Variants in CC2D2B observed in about 807,000 individuals in gnomAD.
CC2D2B encodes coiled-coil and C2 domain containing 2B.
Under a neutral mutation model 161.2 loss-of-function variants are expected in CC2D2B, and 128 were observed. The observed-to-expected ratio is 0.79, with a 90% CI of 0.69 to 0.92. The LOEUF (loss-of-function observed/expected upper bound fraction) is 0.92. Ranked by LOEUF, CC2D2B falls within the 40% of genes least tolerant of loss-of-function variation. The pLI, the probability that CC2D2B is intolerant of heterozygous loss-of-function variation, is 0.00. For missense variants in CC2D2B, 1,173 were observed against 1,375.1 expected (o/e 0.85, Z 2.32); for synonymous variants, 391 against 449.8 (o/e 0.87, Z 1.65).
At chr10:96,006,466 T>C (rs2078754127) in intron 25 of CC2D2B, among the ~76,000 whole-genome samples, 1 of 151,980 alleles carries the variant, frequency 6.6e-6, no homozygotes, top group South Asian at 2.1e-4. Flanking sequence ...AAGGCTTTTG[T>C]GTAAACTTTT....
intron 15 of CC2D2B, among the ~76,000 whole-genome samples, chr10:95,970,376 TCAGC>T (rs1470578741): frequency 6.6e-6 from 1 of 152,174 alleles, no homozygotes; most frequent in Non-Finnish European, 1.5e-5. Flanking sequence ...ATTCATCACT[TCAGC>T]CAAACTGAGC....
At position 95,919,759 on chromosome 10, in the gene CC2D2B, T is replaced by A. The variant is rs914900197; in HGVS notation, c.37-2257T>A. On this transcript the variant is annotated intron_variant, in intron 2 of 34. Transcript: ENST00000646931. ...TTCCTTCCAGTGAAGCAGGTTCCCT[T>A]CTGGCCCAGGGTGGGTTTAGAAATG... 2.0e-5 allele frequency: 3 copies of A among 152,180 alleles called. 1 individual carries two copies. The South Asian group carries it at 6.2e-4, about 32-fold the overall frequency. The allele number at this position is 152,180 out of a possible 1,614,324, so 9.4% of individuals were successfully genotyped here.
At chr10:95,988,083 G>A (rs560565671) in intron 19 of CC2D2B, among the ~76,000 whole-genome samples, 167 bp from the exon 20 acceptor site, 1 of 152,324 alleles carries the variant, frequency 6.6e-6, no homozygotes, top group African/African-American at 2.4e-5. Context: ...CTGGTTTTTA[G>A]CCTATCCTCA....
intron 10 of CC2D2B, among the ~76,000 whole-genome samples, chr10:95,952,907 T>A (rs1276552181): frequency 3.3e-5 from 5 of 152,102 alleles, no homozygotes; most frequent in Non-Finnish European, 7.4e-5. Context: ...AGTTGCCTGG[T>A]CAAAGGTAAG....
chr10:95,976,779 G>A (rs1275760806), intron 17 of CC2D2B, among the ~76,000 whole-genome samples: 8 of 152,162 alleles, frequency 5.3e-5, no homozygotes, highest in Non-Finnish European at 1.2e-4. Flanking sequence ...ACAGAGCTTC[G>A]CTCTTGTTGC....
intron 32 of CC2D2B, among the ~76,000 whole-genome samples, chr10:96,024,396 C>T (rs965805333): frequency 1.3e-5 from 2 of 152,198 alleles, no homozygotes; most frequent in Non-Finnish European, 2.9e-5. Flanking sequence ...GTTGAGCATT[C>T]CATATGTGCC....
At chr10:95,980,552 CATGATGGT>C (rs2077477779) in intron 17 of CC2D2B, among the ~76,000 whole-genome samples, 1 of 152,102 alleles carries the variant, frequency 6.6e-6, no homozygotes, top group Non-Finnish European at 1.5e-5. Context: ...AAATTTATTA[CATGATGGT>C]GTAAAGGGTG....
At chr10:95,918,170 T>C (rs2098520158) in intron 2 of CC2D2B, among the ~76,000 whole-genome samples, 1 of 152,234 alleles carries the variant, frequency 6.6e-6, no homozygotes, top group African/African-American at 2.4e-5. Context: ...TATGGTGTTA[T>C]AATATTCTGT....
intron 3 of CC2D2B, among the ~76,000 whole-genome samples, chr10:95,922,909 C>T (rs556530383): frequency 3.3e-5 from 5 of 151,838 alleles, no homozygotes; most frequent in African/African-American, 1.2e-4. Context: ...AAGCGGTGGT[C>T]CCACCTCAGC....
intron 34 of CC2D2B, among the ~76,000 whole-genome samples, chr10:96,030,148 G>C (rs1332997818): frequency 6.6e-6 from 1 of 151,918 alleles, no homozygotes; most frequent in Admixed American, 6.6e-5. Flanking sequence ...TTTTCAATTT[G>C]TGGTTGGTTG....
In CC2D2B at chr10:96,027,283, G is replaced by A; in HGVS notation, c.4019G>A (p.Cys1340Tyr). ...PKHPTHWNRQ[C>Y]TFILRQILPK... ...CACCCAACACATTGGAATCGACAGT[G>A]TACTTTTATTTTGCGACAAATCCTT... is the stretch of plus-strand genomic sequence containing the variant. The change falls in exon 34 of 35, where the codon TGT (cysteine) becomes TAT (tyrosine). Residue 1340 changes from cysteine to tyrosine, a missense_variant. Cys to Tyr is a radical substitution (Grantham distance 194). Transcript: ENST00000646931. The A allele has an allele frequency of 2.6e-6, 4 of 1,551,326 alleles. No individual in the cohort carries two copies. Among genetic ancestry groups the A allele is most frequent in the Non-Finnish European group, 3.5e-6 (4 of 1,146,766 alleles).
intron 33 of CC2D2B, among the ~76,000 whole-genome samples, chr10:96,025,185 A>ATATATAT (rs1491443122): frequency 1.8e-3 from 30 of 16,274 alleles, no homozygotes; most frequent in Admixed American, 6.9e-3. Context: ...ATATATATAT[A>ATATATAT]AAAAAAAATA....
chr10:95,975,068 C>A (rs1027779604), intron 17 of CC2D2B, among the ~76,000 whole-genome samples: 75 of 152,180 alleles, frequency 4.9e-4, no homozygotes, highest in African/African-American at 1.7e-3. Flanking sequence ...GGGATGTTAA[C>A]AGCTGGGGAG....
intron 5 of CC2D2B, 55 bp from the exon 6 acceptor site, chr10:95,927,182 T>G: frequency 1.0e-6 from 1 of 982,194 alleles, no homozygotes; most frequent in Non-Finnish European, 1.6e-6. Context: ...ACTATTTCCT[T>G]TACTTATAAG....
intron 22 of CC2D2B, among the ~76,000 whole-genome samples, chr10:95,994,174 T>C (rs1404817671): frequency 1.3e-5 from 2 of 149,756 alleles, no homozygotes; most frequent in Admixed American, 6.7e-5. Context: ...CGCACTGATA[T>C]TCATTGCATA....
chr10:95,938,340 G>A, intron 7 of CC2D2B, 151 bp downstream of exon 7: 1 of 629,076 alleles, frequency 1.6e-6, no homozygotes, highest in South Asian at 2.1e-5. Flanking sequence ...TGAATTAAGG[G>A]AACTGATTAA....
Position 95,924,351 on chromosome 10 carries a change from A to T in CC2D2B, c.135A>T (p.Thr45=). 6.5e-7 allele frequency: 1 copy of T among 1,528,168 alleles called. No homozygotes were observed. 94.7% of individuals were successfully genotyped at this position (1,528,168 alleles called of 1,614,324 possible). ...DAEENQNVAK[T]LRGKVREKLK... Reference sequence around the variant, plus strand: ...AAGAAAATCAAAATGTAGCAAAGACATTGAGAGGCAAAGTGAGAGAAAAGC... The same window carrying T: ...AAGAAAATCAAAATGTAGCAAAGACTTTGAGAGGCAAAGTGAGAGAAAAGC... The change falls in exon 4 of 35, where the codon ACA becomes ACT. Residue 45 remains threonine, a synonymous_variant. Transcript: ENST00000646931.
chr10:95,953,738 CGAT>C (rs1418957187), intron 10 of CC2D2B, among the ~76,000 whole-genome samples: 1 of 152,040 alleles, frequency 6.6e-6, no homozygotes, highest in Non-Finnish European at 1.5e-5. Flanking sequence ...TTTGGTGTCT[CGAT>C]GATATTATCA....
At chr10:95,961,541 T>A (rs933638814) in intron 11 of CC2D2B, 2 of 189,782 alleles carry the variant, frequency 1.1e-5, no homozygotes, top group Non-Finnish European at 2.1e-5. Context: ...GAAAAAAAAA[T>A]CTCGTAGAAT....
Sources: allele counts gnomAD v4.1 joint callset (sites outside exome capture counted in the v4.1 genomes callset), GRCh38; gene constraint gnomAD v4.1.1; transcripts MANE v1.5; gene names NCBI Gene and HGNC (gene_info 2026-07-23, HGNC 2026-07-21).